KIAA1549L: variants seen among roughly 807,000 people sequenced by gnomAD.
KIAA1549L encodes the protein UPF0606 protein KIAA1549L.
In KIAA1549L, 88 loss-of-function variants were observed where a neutral mutation model predicts 160.7. The ratio of observed to expected loss-of-function variants is 0.55; its 90% CI spans 0.46 to 0.65. KIAA1549L has a LOEUF of 0.65. Ranked by LOEUF, KIAA1549L falls within the 30% of genes least tolerant of loss-of-function variation. KIAA1549L has a pLI of 0.00. For synonymous variants in KIAA1549L, 950 were observed against 976.7 expected, an observed-to-expected ratio of 0.97 and a Z score of 0.51; for missense variants, 2,258 against 2,437.5, an observed-to-expected ratio of 0.93 and a Z score of 1.55.
At chr11:33,530,553 G>C (rs1467056472) in intron 1 of KIAA1549L, among the ~76,000 whole-genome samples, 1 of 145,960 alleles carries the variant, frequency 6.9e-6, no homozygotes, top group Non-Finnish European at 1.5e-5. Flanking sequence ...TGTGTTCTGT[G>C]GTTGACTTTA....
chr11:33,449,533 C>A (rs1421519919), intron 1 of KIAA1549L, among the ~76,000 whole-genome samples: 1 of 152,136 alleles, frequency 6.6e-6, no homozygotes, highest in East Asian at 1.9e-4. Flanking sequence ...ATCCAGAAGC[C>A]ACCATTCTTC....
chr11:33,420,235 G>GTTTGTTTGTTTGTTTGTTTTTTTTTTT (rs1554975227), intron 1 of KIAA1549L, among the ~76,000 whole-genome samples: 1 of 46,266 alleles, frequency 2.2e-5, no homozygotes, highest in African/African-American at 5.7e-5. Flanking sequence ...TTTTTTTTTT[G>GTTTGTTTGTTTGTTTGTTTTTTTTTTT]TTTTTTTTTT....
intron 1 of KIAA1549L, among the ~76,000 whole-genome samples, chr11:33,518,850 C>T (rs1170853544): frequency 1.3e-5 from 2 of 152,130 alleles, no homozygotes; most frequent in East Asian, 1.9e-4. Flanking sequence ...TTTCAGGTTT[C>T]AGATATGTTT....
intron 1 of KIAA1549L, among the ~76,000 whole-genome samples, chr11:33,474,347 A>G (rs1852241091): frequency 6.6e-6 from 1 of 152,230 alleles, no homozygotes; most frequent in African/African-American, 2.4e-5. Flanking sequence ...ATCTTTCATT[A>G]TGCAGCATTG....
At chr11:33,418,557 G>A (rs1229611401) in intron 1 of KIAA1549L, among the ~76,000 whole-genome samples, 2 of 152,180 alleles carry the variant, frequency 1.3e-5, no homozygotes, top group East Asian at 1.9e-4. Flanking sequence ...ACACCCCAAC[G>A]TAACAACCTC....
intron 4 of KIAA1549L, among the ~76,000 whole-genome samples, chr11:33,550,070 T>G (rs2133195599): frequency 6.7e-6 from 1 of 149,268 alleles, no homozygotes; most frequent in South Asian, 2.1e-4. Flanking sequence ...AATGAAACCC[T>G]GAGTTCCAGT....
intron 1 of KIAA1549L, among the ~76,000 whole-genome samples, chr11:33,475,345 TA>T (rs1852262339): frequency 1.3e-5 from 2 of 152,318 alleles, no homozygotes; most frequent in South Asian, 4.1e-4. Context: ...CTTCTCCGTT[TA>T]ATGGCTCTTA....
chr11:33,541,473 T>C (rs1199660103), intron 1 of KIAA1549L, among the ~76,000 whole-genome samples: 2 of 152,234 alleles, frequency 1.3e-5, no homozygotes, highest in Admixed American at 6.5e-5. Flanking sequence ...TCATTGGCCA[T>C]GGCAGTTGAC....
chr11:33,491,904 A>G (rs1188251407), intron 1 of KIAA1549L, among the ~76,000 whole-genome samples: 1 of 152,238 alleles, frequency 6.6e-6, no homozygotes, highest in African/African-American at 2.4e-5. Context: ...GTTCAAATGC[A>G]CACAAGACCT....
At chr11:33,548,248 A>G (rs1283013256) in intron 4 of KIAA1549L, among the ~76,000 whole-genome samples, 1 of 152,068 alleles carries the variant, frequency 6.6e-6, no homozygotes, top group Non-Finnish European at 1.5e-5. Flanking sequence ...AAAATACAAA[A>G]ATTAGCTGGG....
In KIAA1549L at chr11:33,441,013, A is replaced by G. The variant is rs559901292; in HGVS notation, c.238+64124A>G. Among the ~76,000 whole-genome samples the G allele has an allele frequency of 8.8e-3, 1,335 of 151,748 alleles. 6 individuals are homozygous for G. Among genetic ancestry groups the G allele is most frequent in the Middle Eastern group, 0.017 (5 of 294 alleles). On this transcript the variant is annotated intron_variant, in intron 1 of 20. Coordinates refer to ENST00000658780, the MANE Select transcript of KIAA1549L (RefSeq NM_012194.3). ...TATACATGTGCCATGTTGGTGTGCT[A>G]CACCCATTAACTTGTCATTTAGCAT...
chr11:33,453,847 A>C (rs11032277), intron 1 of KIAA1549L, among the ~76,000 whole-genome samples: 29,801 of 152,178 alleles, frequency 0.2, 3,389 homozygotes, highest in South Asian at 0.3. Flanking sequence ...ATAAACCCCA[A>C]AGTAAAACAC....
chr11:33,407,125 T>TAC (rs1850677642), intron 1 of KIAA1549L, among the ~76,000 whole-genome samples: 1 of 143,264 alleles, frequency 7.0e-6, no homozygotes, highest in Admixed American at 7.2e-5. Context: ...CGCTCTGTCG[T>TAC]CCAGGCTGGA....
At chr11:33,521,668 C>T (rs1252960783) in intron 1 of KIAA1549L, among the ~76,000 whole-genome samples, 3 of 152,164 alleles carry the variant, frequency 2.0e-5, no homozygotes, top group Admixed American at 6.5e-5. Flanking sequence ...CTCCCAGACT[C>T]TAGCAAATGA....
chr11:33,566,933 A>G (rs981943242), intron 8 of KIAA1549L, among the ~76,000 whole-genome samples: 13 of 152,176 alleles, frequency 8.5e-5, no homozygotes, highest in Non-Finnish European at 1.9e-4. Context: ...TGTTTTTCAC[A>G]TTTTTAATTT....
intron 16 of KIAA1549L, among the ~76,000 whole-genome samples, chr11:33,625,796 G>A (rs1241819538): frequency 3.9e-5 from 6 of 152,108 alleles, no homozygotes; most frequent in African/African-American, 9.7e-5. Flanking sequence ...GGCTTTTGTT[G>A]CCATTGCTTT....
chr11:33,405,270 A>G (rs1850621262), intron 1 of KIAA1549L, among the ~76,000 whole-genome samples: 1 of 152,262 alleles, frequency 6.6e-6, no homozygotes, highest in South Asian at 2.1e-4. Flanking sequence ...TAAACAGAAT[A>G]AATACCATAA....
intron 1 of KIAA1549L, among the ~76,000 whole-genome samples, chr11:33,397,810 A>G (rs1025400754): frequency 6.6e-6 from 1 of 152,022 alleles, no homozygotes; most frequent in Non-Finnish European, 1.5e-5. Flanking sequence ...TAATCTTTTA[A>G]TAATAATAAA....
chr11:33,435,010 T>C (rs930668557), intron 1 of KIAA1549L, among the ~76,000 whole-genome samples: 1 of 152,244 alleles, frequency 6.6e-6, no homozygotes, highest in Non-Finnish European at 1.5e-5. Flanking sequence ...TTTGGAAAGA[T>C]AGAATGATGT....
Sources: allele counts gnomAD v4.1 joint callset (sites outside exome capture counted in the v4.1 genomes callset), GRCh38; gene constraint gnomAD v4.1.1; transcripts MANE v1.5; gene names NCBI Gene and HGNC (gene_info 2026-07-23, HGNC 2026-07-21).